ITPKA: variants seen among roughly 807,000 people sequenced by gnomAD.
The protein encoded by ITPKA is IP3 3-kinase A.
Under a neutral mutation model 40.7 loss-of-function variants are expected in ITPKA, and 16 were observed. The ratio of observed to expected loss-of-function variants is 0.39; its 90% CI spans 0.27 to 0.60. ITPKA has a LOEUF of 0.60. ITPKA is among the 20% of genes least tolerant of loss of function. The pLI, the probability that ITPKA is intolerant of heterozygous loss-of-function variation, is 0.50. For synonymous variants in ITPKA, 313 were observed against 289.9 expected, an observed-to-expected ratio of 1.08 and a Z score of -0.81; for missense variants, 540 against 649.3, an observed-to-expected ratio of 0.83 and a Z score of 1.83.
At chr15:41,497,065 G>A (rs927653305) in intron 1 of ITPKA, among the ~76,000 whole-genome samples, 3 of 152,148 alleles carry the variant, frequency 2.0e-5, no homozygotes, top group African/African-American at 4.8e-5. Flanking sequence ...CAAGGCTTCC[G>A]AATGGAGCTT....
rs1282730605 is a variant in ITPKA, at chr15:41,501,689, C to T, written c.641C>T (p.Pro214Leu). ...CTGATCCTGAAGCGCTGCTCGGAGC[C>T]GGAGCGCTACTGCCTGGCGCGGCTG... is the stretch of plus-strand genomic sequence containing the variant. ...SGLILKRCSE[P>L]ERYCLARLMA... Residue 214 changes from proline to leucine, a missense_variant, in exon 3 of 7, where the codon CCG (proline) becomes CTG (leucine). Pro to Leu is a moderately conservative substitution (Grantham distance 98). Transcript: ENST00000260386. 3 of 1,609,852 alleles carry T rather than the reference C, an allele frequency of 1.9e-6. No homozygotes were observed. Among genetic ancestry groups the T allele is most frequent in the East Asian group, 2.2e-5 (1 of 44,772 alleles).
rs375904304 is a variant in ITPKA, at chr15:41,503,051, C to T, written c.1271C>T (p.Pro424Leu). The change falls in exon 7 of 7, where the codon CCC becomes CTC. Residue 424 changes from proline (P) to leucine (L), a missense_variant. By Grantham distance (98) the Pro-to-Leu change is moderately conservative (BLOSUM62 -3). Transcript: ENST00000260386. ...LIDFGKTTPL[P>L]DGQILDHRRP... is the part of the protein sequence containing the mutation. ...GACTTCGGCAAGACCACGCCCCTCC[C>T]CGATGGCCAGATCCTGGACCACCGG... The T allele has an allele frequency of 1.9e-6, 3 of 1,610,550 alleles. No homozygotes were observed. The highest frequency in any genetic ancestry group is 3.3e-5 in the Admixed American group (2 of 59,928).
At chr15:41,498,340 C>T (rs951382974) in intron 1 of ITPKA, among the ~76,000 whole-genome samples, 2 of 151,664 alleles carry the variant, frequency 1.3e-5, no homozygotes, top group Admixed American at 6.6e-5. Context: ...ATTTTGTAAC[C>T]TGCTAGCTAG....
intron 1 of ITPKA, among the ~76,000 whole-genome samples, chr15:41,498,970 C>G (rs2051092285): frequency 6.6e-6 from 1 of 152,116 alleles, no homozygotes; most frequent in Non-Finnish European, 1.5e-5. Flanking sequence ...GATGTAACTC[C>G]CCTTGATTTC....
In ITPKA at chr15:41,494,218, G is replaced by C; in HGVS notation, c.291G>C (p.Gly97=). 1 of 1,534,248 alleles carries C rather than the reference G, an allele frequency of 6.5e-7. No individual in the cohort carries two copies. Among genetic ancestry groups the C allele is most frequent in the Non-Finnish European group, 8.7e-7 (1 of 1,147,472 alleles). The change falls in exon 1 of 7, where the codon GGG becomes GGC. Residue 97 remains glycine (G), a synonymous_variant. Transcript: ENST00000260386. The surrounding 1 kb of genome is among the most constrained non-coding windows in gnomAD (Gnocchi z 7.8). ...CCGACGTGCCCCCGACCAGCCCTGG[G>C]CCGCCGGAGCGGGAGAGGGACTGCC... ...EEPDVPPTSP[G]PPERERDCLP... is the part of the protein sequence containing the mutation.
rs1169028159 is a variant in ITPKA, at chr15:41,494,157, C to T, written c.230C>T (p.Pro77Leu). The T allele has an allele frequency of 4.1e-6, 6 of 1,478,122 alleles. No individual in the cohort carries two copies. The South Asian group carries it at 5.1e-5, about 13-fold the overall frequency. The allele number at this position is 1,478,122 out of a possible 1,614,324, so 91.6% of individuals were successfully genotyped here. A position where few individuals can be genotyped will look rare whatever the true frequency, so the allele number is the denominator to read the frequency against. The change falls in exon 1 of 7, where the codon CCG becomes CTG. Residue 77 changes from proline to leucine, a missense_variant. Coordinates refer to ENST00000260386, the MANE Select transcript of ITPKA (RefSeq NM_002220.3). This position sits in a 1 kb window ranked among gnomAD's most constrained non-coding sequence, Gnocchi z 7.8. The stretch of plus-strand genomic sequence containing the variant: ...GGGCTTCCGCGGGCTCCCCCGGCCC[C>T]GGTGATCCCTCAGCTGACCGTGACA... The part of the protein sequence containing the change: ...PNGLPRAPPA[P>L]VIPQLTVTAE...
chr15:41,496,458 G>A (rs2051072702), intron 1 of ITPKA, among the ~76,000 whole-genome samples: 1 of 152,202 alleles, frequency 6.6e-6, no homozygotes, highest in African/African-American at 2.4e-5. Context: ...ATTGAAACTG[G>A]GCAGCCTCAC....
In ITPKA at chr15:41,494,466, G is replaced by T; in HGVS notation, c.489+50G>T. On this transcript the variant is annotated intron_variant, in intron 1 of 6. Coordinates refer to ENST00000260386, the MANE Select transcript of ITPKA (RefSeq NM_002220.3). This position sits in a 1 kb window ranked among gnomAD's most constrained non-coding sequence, Gnocchi z 7.8. ...GCGCCGGGCGCGGGGGCTGCACGGG[G>T]GACCTGGCTGGGTGCTCCCGGAGGA... 1 of 1,270,528 alleles carries T rather than the reference G, an allele frequency of 7.9e-7. No individual in the cohort carries two copies. Among genetic ancestry groups the T allele is most frequent in the Non-Finnish European group, 1.0e-6 (1 of 971,858 alleles). The allele number at this position is 1,270,528 out of a possible 1,614,324, so 78.7% of individuals were successfully genotyped here.
In ITPKA at chr15:41,494,455, G is replaced by A; in HGVS notation, c.489+39G>A. The A allele has an allele frequency of 4.5e-6, 6 of 1,326,878 alleles. No individual in the cohort carries two copies. The highest frequency in any genetic ancestry group is 5.9e-6 in the Non-Finnish European group (6 of 1,020,546). 82.2% of individuals were successfully genotyped at this position (1,326,878 alleles called of 1,614,324 possible). ...GGGCGGGGCCAGCGCCGGGCGCGGG[G>A]GCTGCACGGGGGACCTGGCTGGGTG... On this transcript the variant is annotated intron_variant, in intron 1 of 6. Transcript: ENST00000260386. This position sits in a 1 kb window ranked among gnomAD's most constrained non-coding sequence, Gnocchi z 7.8.
At chr15:41,499,407 T>TCCCTCCCGGTC in intron 1 of ITPKA, among the ~76,000 whole-genome samples, 1 of 152,288 alleles carries the variant, frequency 6.6e-6, no homozygotes, top group Non-Finnish European at 1.5e-5. Flanking sequence ...ATTTGATGGT[T>TCCCTCCCGGTC]CGTGTTACGG....
In ITPKA at chr15:41,493,877, C is replaced by G. The variant is rs564713061; in HGVS notation, c.-51C>G. 6.3e-4 allele frequency: 621 copies of G among 993,592 alleles called. 16 individuals are homozygous for G. The South Asian group carries it at 0.026, about 41-fold the overall frequency. 61.5% of individuals were successfully genotyped at this position (993,592 alleles called of 1,614,324 possible). A position where few individuals can be genotyped will look rare whatever the true frequency, so the allele number is the denominator to read the frequency against. On this transcript the variant is annotated 5_prime_UTR_variant, in exon 1 of 7. Transcript: ENST00000260386. Reference sequence around the variant, plus strand: ...GCCGGGGGCGCCGAGCCGCTCCAGTCCCCGGCGCGCCGCGGGCTGGTGGGC... The same window carrying G: ...GCCGGGGGCGCCGAGCCGCTCCAGTGCCCGGCGCGCCGCGGGCTGGTGGGC...
At chr15:41,499,971 C>CT (rs1469865122) in intron 1 of ITPKA, among the ~76,000 whole-genome samples, 3 of 152,018 alleles carry the variant, frequency 2.0e-5, no homozygotes, top group African/African-American at 7.2e-5. Context: ...CTTTCTTTTT[C>CT]TTTTTTTTGA....
At position 41,501,767 on chromosome 15, in the gene ITPKA, G is replaced by A; in HGVS notation, c.719G>A (p.Arg240His). Reference sequence around the variant, plus strand: ...CCTGCCTTCCACGGCGTGGTGGAGCGCGACGGCGAAAGCTACCTGCAGCTG... The same window carrying A: ...CCTGCCTTCCACGGCGTGGTGGAGCACGACGGCGAAAGCTACCTGCAGCTG... ...CVPAFHGVVE[R>H]DGESYLQLQD... Residue 240 changes from arginine (R) to histidine (H), a missense_variant, in exon 3 of 7, where the codon CGC (arginine) becomes CAC (histidine). Arg to His is a conservative substitution (Grantham distance 29). Coordinates refer to ENST00000260386, the MANE Select transcript of ITPKA (RefSeq NM_002220.3). 1 of 1,612,992 alleles carries A rather than the reference G, an allele frequency of 6.2e-7. No homozygotes were observed. The highest frequency in any genetic ancestry group is 8.5e-7 in the Non-Finnish European group (1 of 1,179,836).
At chr15:41,502,666 C>T in intron 5 of ITPKA, 122 bp from the exon 6 acceptor site, 1 of 1,053,674 alleles carries the variant, frequency 9.5e-7, no homozygotes, top group South Asian at 1.6e-5. Context: ...CTGGGCGGGG[C>T]CCTGGGTCCT....
chr15:41,498,114 C>G (rs948286708), intron 1 of ITPKA, among the ~76,000 whole-genome samples: 1 of 151,950 alleles, frequency 6.6e-6, no homozygotes, highest in Admixed American at 6.6e-5. Flanking sequence ...GATCGCACCA[C>G]TCAAATAAAT....
chr15:41,502,018 G>T lies in ITPKA; in HGVS notation c.825G>T (p.Leu275=). 6.2e-7 allele frequency: 1 copy of T among 1,613,258 alleles called. No individual in the cohort carries two copies. Among genetic ancestry groups the T allele is most frequent in the South Asian group, 1.1e-5 (1 of 91,036 alleles). Residue 275 remains leucine (L), a synonymous_variant, in exon 4 of 7, where the codon CTG becomes CTT. Transcript: ENST00000260386. ...ACAGGACTTACCTAGAGGAGGAGCT[G>T]ACCAAGGCCCGTGAGCGGCCCAAGC... The part of the protein sequence containing the change: ...MGVRTYLEEE[L]TKARERPKLR...
intron 1 of ITPKA, among the ~76,000 whole-genome samples, chr15:41,495,797 T>C (rs1320033433): frequency 2.0e-5 from 3 of 152,340 alleles, no homozygotes; most frequent in East Asian, 3.9e-4. Flanking sequence ...CTCTGACACC[T>C]GAGAGCCGGT....
Position 41,503,277 on chromosome 15 carries a change from C to T in ITPKA, c.*111C>T, listed in dbSNP as rs934779927. The T allele has an allele frequency of 3.7e-6, 3 of 819,958 alleles. No individual in the cohort carries two copies. The highest frequency in any genetic ancestry group is 3.5e-5 in the African/African-American group (2 of 57,888). 50.8% of individuals were successfully genotyped at this position (819,958 alleles called of 1,614,324 possible). A position where few individuals can be genotyped will look rare whatever the true frequency, so the allele number is the denominator to read the frequency against. ...AGCCCCGCGGTGCAGGGCAGTTCAC[C>T]GGGTCCTGCAGGACCAGGTGCCAGC... On this transcript the variant is annotated 3_prime_UTR_variant, in exon 7 of 7. Transcript: ENST00000260386.
chr15:41,498,725 C>A (rs887026893), intron 1 of ITPKA, among the ~76,000 whole-genome samples: 13 of 152,240 alleles, frequency 8.5e-5, no homozygotes, highest in African/African-American at 3.1e-4. Flanking sequence ...GGCCCCCAGG[C>A]AGGTCTCAGT....
Sources: gnomAD v4.1 joint callset for allele counts (sites outside exome capture counted in the v4.1 genomes callset) on GRCh38, gnomAD v4.1.1 for gene constraint, Gnocchi (gnomAD v3.1) non-coding constraint, MANE v1.5 for transcripts, NCBI Gene and HGNC (gene_info 2026-07-23, HGNC 2026-07-21) for gene names.